Variants in VSTM4 observed in about 807,000 individuals in gnomAD.
VSTM4 encodes V-set and transmembrane domain containing 4.
A neutral mutation model predicts 36.4 loss-of-function variants in VSTM4; 20 were observed. The ratio of observed to expected loss-of-function variants is 0.55; its 90% CI spans 0.39 to 0.80. The LOEUF is 0.80. Among genes scored for constraint, VSTM4 ranks in the 30% least tolerant of loss-of-function variants. The pLI, the probability that VSTM4 is intolerant of heterozygous loss-of-function variation, is 0.00. For missense variants in VSTM4, 392 were observed against 404.5 expected (o/e 0.97, Z 0.26); for synonymous variants, 182 against 173.9 (o/e 1.05, Z -0.37).
intron 5 of VSTM4, among the ~76,000 whole-genome samples, chr10:49,050,616 T>C (rs148599039): frequency 3.9e-4 from 60 of 152,320 alleles, no homozygotes; most frequent in African/African-American, 1.3e-3. Flanking sequence ...CCAAAAAGAA[T>C]GTGAATTTAC....
intron 7 of VSTM4, among the ~76,000 whole-genome samples, chr10:49,023,664 T>TTA (rs1213648869): frequency 2.0e-5 from 3 of 152,138 alleles, no homozygotes; most frequent in Middle Eastern, 3.2e-3. Flanking sequence ...CAAACTGGAT[T>TTA]TAAGCTAGGG....
In VSTM4 at chr10:49,056,072, T is replaced by G. The variant is rs563916089; in HGVS notation, c.669-7488A>C. On this transcript the variant is annotated intron_variant, in intron 5 of 7. Transcript: ENST00000332853. ...TCTGCATGCATCCTCTGCACAGCATTAGAATAAATGCTACTCCTTTGTGAG... is the reference window on the plus strand; with the variant it reads ...TCTGCATGCATCCTCTGCACAGCATGAGAATAAATGCTACTCCTTTGTGAG... Among the ~76,000 whole-genome samples, 3 of 152,346 alleles carry G rather than the reference T, an allele frequency of 2.0e-5. No individual in the cohort carries two copies. In the East Asian group the frequency reaches 5.8e-4, roughly 29 times the overall value.
chr10:49,049,466 A>T (rs575077582), intron 5 of VSTM4, among the ~76,000 whole-genome samples: 2 of 152,220 alleles, frequency 1.3e-5, no homozygotes, highest in African/African-American at 2.4e-5. Context: ...ATGACCATTC[A>T]TCTTCTTGCA....
chr10:49,049,100 G>A (rs1843658573), intron 5 of VSTM4, among the ~76,000 whole-genome samples: 1 of 152,180 alleles, frequency 6.6e-6, no homozygotes, highest in South Asian at 2.1e-4. Context: ...AGCTGCACCT[G>A]GATGTGTCTG....
intron 5 of VSTM4, among the ~76,000 whole-genome samples, chr10:49,050,118 C>T (rs1647103484): frequency 6.6e-6 from 1 of 152,018 alleles, no homozygotes; most frequent in South Asian, 2.1e-4. Context: ...TGTATAAAGA[C>T]GAAGAAGCTA....
chr10:49,064,948 C>G (rs1299488461), intron 4 of VSTM4, among the ~76,000 whole-genome samples: 1 of 152,220 alleles, frequency 6.6e-6, no homozygotes, highest in African/African-American at 2.4e-5. Flanking sequence ...AGCCAGGGAT[C>G]TAGCCAGGCA....
At chr10:49,113,567 G>A (rs1309201267) in intron 1 of VSTM4, among the ~76,000 whole-genome samples, 2 of 152,156 alleles carry the variant, frequency 1.3e-5, no homozygotes, top group African/African-American at 4.8e-5. Flanking sequence ...GCTGGAATTC[G>A]AACCTAGGCC....
At position 49,061,457 on chromosome 10, in the gene VSTM4, T is replaced by C. The variant is rs1033596390; in HGVS notation, c.668+3246A>G. Among the ~76,000 whole-genome samples, 7 of 152,302 alleles carry C rather than the reference T, an allele frequency of 4.6e-5. No homozygotes were observed. The East Asian group carries it at 1.3e-3, about 29-fold the overall frequency. ...ATGCTAATTTTCTATCTACAGCAGG[T>C]CAATCAGTAGATGAGGGGGAGGAAT... On this transcript the variant is annotated intron_variant, in intron 5 of 7. Transcript: ENST00000332853.
At chr10:49,102,589 G>A (rs1160510401) in intron 2 of VSTM4, 1 of 985,334 alleles carries the variant, frequency 1.0e-6, no homozygotes, top group African/African-American at 1.7e-5. Context: ...CATGCCCAAA[G>A]AAGGCATTGA....
intron 2 of VSTM4, chr10:49,102,624 G>T: frequency 1.0e-6 from 1 of 985,118 alleles, no homozygotes; most frequent in Non-Finnish European, 1.2e-6. Flanking sequence ...TGGATGTGGA[G>T]CCCCAAAAAA....
intron 7 of VSTM4, among the ~76,000 whole-genome samples, chr10:49,034,737 G>T (rs886813318): frequency 6.6e-6 from 1 of 151,342 alleles, no homozygotes; most frequent in African/African-American, 2.4e-5. Context: ...TTTTTGAGAC[G>T]GTGATGTTTT....
chr10:49,029,239 C>T (rs540767131), intron 7 of VSTM4, among the ~76,000 whole-genome samples: 1 of 152,234 alleles, frequency 6.6e-6, no homozygotes, highest in South Asian at 2.1e-4. Context: ...ACCATGGGTG[C>T]TGATTGGCAA....
At chr10:49,056,384 G>A (rs1017549386) in intron 5 of VSTM4, among the ~76,000 whole-genome samples, 4 of 152,242 alleles carry the variant, frequency 2.6e-5, no homozygotes, top group African/African-American at 9.6e-5. Flanking sequence ...ATAATGGCAG[G>A]GAGAGGTGAC....
At chr10:49,045,856 C>G (rs981477764) in intron 7 of VSTM4, among the ~76,000 whole-genome samples, 1 of 152,146 alleles carries the variant, frequency 6.6e-6, no homozygotes, top group Non-Finnish European at 1.5e-5. Context: ...ATCCGTAACC[C>G]CATGATATGG....
chr10:49,107,758 C>A lies in VSTM4; in HGVS notation c.293G>T (p.Arg98Met). The change falls in exon 2 of 8, where the codon AGG becomes ATG. Residue 98 changes from arginine to methionine, a missense_variant. By Grantham distance (91) the Arg-to-Met change is moderately conservative (BLOSUM62 -1). Coordinates refer to ENST00000332853, the MANE Select transcript of VSTM4 (RefSeq NM_001031746.5). ...GNFSRSAKRRRLRLLEEQRGA... is the reference protein window; with the variant it reads ...GNFSRSAKRRMLRLLEEQRGA... Reference sequence around the variant, plus strand: ...CCGCTGCTCCTCCAGCAGGCGCAGCCTCCGCCGTTTGGCGCTGCGGCTGAA... The same window carrying A: ...CCGCTGCTCCTCCAGCAGGCGCAGCATCCGCCGTTTGGCGCTGCGGCTGAA... The A allele has an allele frequency of 6.2e-7, 1 of 1,614,240 alleles. No homozygotes were observed. Among genetic ancestry groups the A allele is most frequent in the Non-Finnish European group, 8.5e-7 (1 of 1,180,050 alleles).
chr10:49,042,964 G>A (rs1843544055), intron 7 of VSTM4, among the ~76,000 whole-genome samples: 2 of 152,204 alleles, frequency 1.3e-5, no homozygotes, highest in African/African-American at 4.8e-5. Context: ...GACATTCCAG[G>A]AAGAGGGGAG....
chr10:49,111,759 C>A (rs1564601009), intron 1 of VSTM4, among the ~76,000 whole-genome samples: 1 of 152,158 alleles, frequency 6.6e-6, no homozygotes, highest in Non-Finnish European at 1.5e-5. Flanking sequence ...TGACCTTGTG[C>A]AGTGGACAGT....
At chr10:49,040,146 G>A (rs1170566667) in intron 7 of VSTM4, among the ~76,000 whole-genome samples, 3 of 152,150 alleles carry the variant, frequency 2.0e-5, no homozygotes, top group South Asian at 2.1e-4. Context: ...GACAGAAAGC[G>A]CCTGTGTGAT....
At chr10:49,110,879 C>T (rs1270077864) in intron 1 of VSTM4, among the ~76,000 whole-genome samples, 5 of 152,170 alleles carry the variant, frequency 3.3e-5, no homozygotes, top group African/African-American at 4.8e-5. Flanking sequence ...GTTATGACAG[C>T]GTAAGCACAC....
Sources: gnomAD v4.1 joint callset for allele counts (sites outside exome capture counted in the v4.1 genomes callset) on GRCh38, gnomAD v4.1.1 for gene constraint, MANE v1.5 for transcripts, NCBI Gene and HGNC (gene_info 2026-07-23, HGNC 2026-07-21) for gene names.